The following MYOM1 variants were observed in gnomAD, a reference collection of about 807,000 sequenced individuals.
MYOM1 encodes myomesin-1.
A neutral mutation model predicts 205.3 loss-of-function variants in MYOM1; 164 were observed. That is an observed-to-expected ratio of 0.80 (90% confidence interval 0.70 to 0.91). The LOEUF (loss-of-function observed/expected upper bound fraction) is 0.91, where lower values mean the gene tolerates loss of function less well. Ranked by LOEUF, MYOM1 falls within the 40% of genes least tolerant of loss-of-function variation. The pLI is 0.00. For missense variants in MYOM1, 2,011 were observed against 2,127.3 expected (o/e 0.95, Z 1.08); for synonymous variants, 772 against 789.4 (o/e 0.98, Z 0.37).
chr18:3,176,399 G>A (rs998371508), intron 5 of MYOM1, among the ~76,000 whole-genome samples: 9 of 152,168 alleles, frequency 5.9e-5, no homozygotes, highest in Non-Finnish European at 1.0e-4. Context: ...TGAATATCAT[G>A]TAACATAGTT....
chr18:3,214,927 G>T lies in MYOM1; in HGVS notation c.290+7C>A. On this transcript the variant is annotated splice_region_variant and intron_variant, in intron 2 of 37. Transcript: ENST00000356443. ...GTTGGAAGGTTGGAGGAGGGCGTCC[G>T]ACATACCCATGGGAGGAGCCATAAT... The T allele has an allele frequency of 1.3e-6, 2 of 1,579,264 alleles. No homozygotes were observed. Among genetic ancestry groups the T allele is most frequent in the South Asian group, 1.2e-5 (1 of 86,534 alleles).
At chr18:3,138,923 A>C (rs959850520) in intron 14 of MYOM1, among the ~76,000 whole-genome samples, 3 of 152,162 alleles carry the variant, frequency 2.0e-5, no homozygotes, top group African/African-American at 7.2e-5. Context: ...TCTGTGTTTT[A>C]CCAGCTCTGT....
rs375291963 is a variant in MYOM1 at position 3,112,328 on chromosome 18, C to A, written c.3388G>T (p.Ala1130Ser). The A allele has an allele frequency of 2.7e-5, 44 of 1,613,010 alleles. No individual in the cohort carries two copies. In the African/African-American group the frequency reaches 4.3e-4, roughly 16 times the overall value. ...QAGVGKPSDL[A>S]GPVVAETRPG... ...CGGGTCTCTGCCACAACAGGGCCAGCAAGGTCAGATGGCTTCCCAACTCCC... is the reference window on the plus strand; with the variant it reads ...CGGGTCTCTGCCACAACAGGGCCAGAAAGGTCAGATGGCTTCCCAACTCCC... The change falls in exon 22 of 38, where the codon GCT becomes TCT. Residue 1130 changes from alanine (A) to serine (S), a missense_variant. By Grantham distance (99) the Ala-to-Ser change is moderately conservative. Transcript: ENST00000356443.
upstream of MYOM1, among the ~76,000 whole-genome samples, chr18:3,221,966 G>A (rs2081334157): frequency 6.6e-6 from 1 of 152,220 alleles, no homozygotes; most frequent in African/African-American, 2.4e-5. Flanking sequence ...ATGATTCCTG[G>A]TGAGCTGTTT....
At chr18:3,175,320 T>A (rs2080622262) in intron 6 of MYOM1, among the ~76,000 whole-genome samples, 1 of 152,200 alleles carries the variant, frequency 6.6e-6, no homozygotes, top group African/African-American at 2.4e-5. Context: ...CCTTGACACT[T>A]AGGCACATCA....
At chr18:3,083,234 T>C (rs114168003) in intron 33 of MYOM1, among the ~76,000 whole-genome samples, 20 of 152,242 alleles carry the variant, frequency 1.3e-4, no homozygotes, top group African/African-American at 4.3e-4. Context: ...ATGTACATGT[T>C]GAGGGAAAGA....
intron 2 of MYOM1, among the ~76,000 whole-genome samples, chr18:3,203,494 G>A (rs1219827577): frequency 2.0e-5 from 3 of 151,710 alleles, no homozygotes; most frequent in Non-Finnish European, 4.4e-5. Context: ...AAGAAATAAT[G>A]TAGATGCCTT....
intron 9 of MYOM1, among the ~76,000 whole-genome samples, 171 bp from the exon 10 acceptor site, chr18:3,164,610 T>G (rs1459545638): frequency 1.3e-5 from 2 of 152,234 alleles, no homozygotes; most frequent in East Asian, 3.8e-4. Context: ...GTAAAAATAC[T>G]GGACCAAAAG....
chr18:3,194,392 T>C (rs1311854680), intron 2 of MYOM1, among the ~76,000 whole-genome samples: 2 of 152,230 alleles, frequency 1.3e-5, no homozygotes, highest in African/African-American at 2.4e-5. Context: ...GTAGGACCCT[T>C]GGTTTACACT....
At chr18:3,133,477 C>T (rs1005190314) in intron 16 of MYOM1, among the ~76,000 whole-genome samples, 8 of 152,160 alleles carry the variant, frequency 5.3e-5, no homozygotes, top group African/African-American at 1.7e-4. Flanking sequence ...CCATTAGAAA[C>T]AAATACAAAG....
At chr18:3,087,488 C>CTTTTT (rs5822735) in intron 29 of MYOM1, among the ~76,000 whole-genome samples, 1 of 122,706 alleles carries the variant, frequency 8.1e-6, no homozygotes, top group African/African-American at 3.1e-5. Flanking sequence ...CTCCTACGTT[C>CTTTTT]TTTTTTTTTT....
chr18:3,083,395 CTTTCTTTCTTTTCT>C (rs2079107916), intron 33 of MYOM1, among the ~76,000 whole-genome samples: 2 of 140,082 alleles, frequency 1.4e-5, no homozygotes, highest in African/African-American at 5.3e-5. Flanking sequence ...ATTTCTTTTT[CTTTCTTTCTTTTCT>C]TTTTTCTTTT....
chr18:3,137,095 C>T (rs1029336630), intron 14 of MYOM1, among the ~76,000 whole-genome samples: 4 of 152,102 alleles, frequency 2.6e-5, no homozygotes, highest in South Asian at 2.1e-4. Context: ...GGACTACAGG[C>T]GCCCCCCACC....
chr18:3,121,072 G>A (rs1271110523), intron 19 of MYOM1, among the ~76,000 whole-genome samples: 1 of 152,120 alleles, frequency 6.6e-6, no homozygotes, highest in Non-Finnish European at 1.5e-5. Flanking sequence ...AAATTACACA[G>A]AACATGATGT....
At chr18:3,201,581 T>G (rs1422063574) in intron 2 of MYOM1, among the ~76,000 whole-genome samples, 1 of 149,990 alleles carries the variant, frequency 6.7e-6, no homozygotes, top group Non-Finnish European at 1.5e-5. Context: ...CATATGTATA[T>G]AAATTTATAC....
rs111261537 is a variant in MYOM1, at chr18:3,076,021, A to G, written c.4649-260T>C. Among the ~76,000 whole-genome samples, 630 of 152,326 alleles carry G rather than the reference A, an allele frequency of 4.1e-3. 4 individuals are homozygous for G. The highest frequency in any genetic ancestry group is 0.015 in the African/African-American group (609 of 41,576). On this transcript the variant is annotated intron_variant, in intron 34 of 37. Coordinates refer to ENST00000356443, the MANE Select transcript of MYOM1 (RefSeq NM_003803.4). ...AGAGGGCTTCAGCCCCTCAAACGGA[A>G]AGGCAAAGATTAACTCCAACAAAGA...
intron 19 of MYOM1, among the ~76,000 whole-genome samples, chr18:3,125,405 T>C (rs1399506169): frequency 3.3e-5 from 5 of 152,106 alleles, no homozygotes; most frequent in Non-Finnish European, 5.9e-5. Flanking sequence ...CCATACCATA[T>C]AGCAATGAAA....
rs117158459 is a variant in MYOM1, at chr18:3,218,345, T to C, written c.-29+1458A>G. Among the ~76,000 whole-genome samples, 704 of 152,362 alleles carry C rather than the reference T, an allele frequency of 4.6e-3. 3 individuals carry two copies. Among genetic ancestry groups the C allele is most frequent in the Non-Finnish European group, 6.5e-3 (442 of 68,042 alleles). ...AATCCTTCTAAACTCAGCATATTCT[T>C]TGTCAAGTTTAAAACTACTTTTTAT... On this transcript the variant is annotated intron_variant, in intron 1 of 37. Transcript: ENST00000356443.
At chr18:3,188,183 A>T (rs1240127727) in intron 4 of MYOM1, among the ~76,000 whole-genome samples, 1 of 152,090 alleles carries the variant, frequency 6.6e-6, no homozygotes, top group Non-Finnish European at 1.5e-5. Context: ...GCTCTCTAAA[A>T]TCTTTAATTT....
Sources: allele counts gnomAD v4.1 joint callset (sites outside exome capture counted in the v4.1 genomes callset), GRCh38; gene constraint gnomAD v4.1.1; transcripts MANE v1.5; gene names NCBI Gene and HGNC (gene_info 2026-07-23, HGNC 2026-07-21).